The following GPC5 variants were observed in gnomAD, a reference collection of about 807,000 sequenced individuals.
GPC5 encodes glypican 5, also known as glypican-5.
In GPC5, 47 loss-of-function variants were observed where a neutral mutation model predicts 53.9. That is an observed-to-expected ratio of 0.87 (90% CI 0.69 to 1.11). GPC5 has a LOEUF of 1.11. GPC5 is among the 50% of genes most tolerant of loss of function. The pLI, the probability that GPC5 is intolerant of heterozygous loss-of-function variation, is 0.00. For synonymous variants in GPC5, 286 were observed against 263.3 expected (o/e 1.09, Z -0.84); for missense variants, 748 against 713.1 (o/e 1.05, Z -0.56).
chr13:91,562,835 A>G (rs888834132), intron 2 of GPC5, among the ~76,000 whole-genome samples: 3 of 152,118 alleles, frequency 2.0e-5, no homozygotes, highest in Non-Finnish European at 4.4e-5. Flanking sequence ...TTCTGTGAAT[A>G]GGACCAAGTA....
intron 7 of GPC5, among the ~76,000 whole-genome samples, chr13:92,778,119 A>G (rs1875885488): frequency 6.6e-6 from 1 of 152,352 alleles, no homozygotes; most frequent in Middle Eastern, 3.4e-3. Context: ...TTTTGCTGTC[A>G]TATTTTAAGA....
At chr13:91,438,557 G>A (rs1422538802) in intron 1 of GPC5, among the ~76,000 whole-genome samples, 1 of 152,196 alleles carries the variant, frequency 6.6e-6, no homozygotes, top group Non-Finnish European at 1.5e-5. Flanking sequence ...CTTGTGAGGT[G>A]TCAGTCTGCC....
chr13:92,432,683 GT>G (rs149512434), intron 7 of GPC5, among the ~76,000 whole-genome samples: 6 of 150,636 alleles, frequency 4.0e-5, no homozygotes, highest in South Asian at 2.1e-4. Context: ...CCATAAACTA[GT>G]TTTTTTTTAG....
chr13:92,566,260 A>G (rs1371695356), intron 7 of GPC5, among the ~76,000 whole-genome samples: 1 of 152,140 alleles, frequency 6.6e-6, no homozygotes, highest in Non-Finnish European at 1.5e-5. Flanking sequence ...GAAATTGTTG[A>G]ATAGCTATCA....
intron 7 of GPC5, among the ~76,000 whole-genome samples, chr13:92,350,721 A>G (rs999062399): frequency 3.3e-5 from 5 of 152,204 alleles, no homozygotes; most frequent in Admixed American, 2.6e-4. Flanking sequence ...GAGCATAAGT[A>G]TATTAATTAG....
intron 6 of GPC5, among the ~76,000 whole-genome samples, chr13:92,129,941 G>C (rs1039613500): frequency 3.9e-5 from 6 of 152,046 alleles, no homozygotes; most frequent in African/African-American, 1.4e-4. Context: ...TTGTAAAATT[G>C]ATAAAGAATA....
At chr13:92,600,474 T>C (rs1430773885) in intron 7 of GPC5, among the ~76,000 whole-genome samples, 3 of 151,742 alleles carry the variant, frequency 2.0e-5, no homozygotes, top group African/African-American at 7.3e-5. Flanking sequence ...TTTTTTTTTC[T>C]TTTCAATTCA....
intron 6 of GPC5, among the ~76,000 whole-genome samples, chr13:92,115,819 C>T (rs944261583): frequency 1.3e-5 from 2 of 152,078 alleles, no homozygotes; most frequent in Non-Finnish European, 2.9e-5. Flanking sequence ...CCACCCCCAC[C>T]GCAAAATTCC....
chr13:92,167,885 A>AG (rs1555316057), intron 7 of GPC5, among the ~76,000 whole-genome samples: 4 of 151,694 alleles, frequency 2.6e-5, no homozygotes, highest in African/African-American at 9.7e-5. Context: ...AAAAAAAAAA[A>AG]GATAGTTTTT....
At chr13:92,353,664 T>C (rs890589795) in intron 7 of GPC5, among the ~76,000 whole-genome samples, 4 of 152,140 alleles carry the variant, frequency 2.6e-5, no homozygotes, top group Non-Finnish European at 4.4e-5. Flanking sequence ...TATAAACAAA[T>C]AACCAGAATA....
chr13:92,124,124 G>T (rs1377206354), intron 6 of GPC5, among the ~76,000 whole-genome samples: 2 of 149,506 alleles, frequency 1.3e-5, no homozygotes, highest in Non-Finnish European at 3.0e-5. Context: ...TTAACTTTGT[G>T]CTTTTCTTTT....
At position 92,358,338 on chromosome 13, in the gene GPC5, C is replaced by G. The variant is rs574423910; in HGVS notation, c.1561+213349C>G. On this transcript the variant is annotated intron_variant, in intron 7 of 7. Transcript: ENST00000377067. ...CCCTGTGGCTCTGCAGGGAACAGACCCTGTGGCTGCTTTTTACAGGCTGGC... is the reference window on the plus strand; with the variant it reads ...CCCTGTGGCTCTGCAGGGAACAGACGCTGTGGCTGCTTTTTACAGGCTGGC... 1.8e-4 allele frequency among the ~76,000 whole-genome samples: 20 copies of G among 112,064 alleles called. No homozygotes were observed. The South Asian group carries it at 4.8e-3, about 27-fold the overall frequency. 73.5% of individuals were successfully genotyped at this position (112,064 alleles called of 152,430 possible). A position where few individuals can be genotyped will look rare whatever the true frequency, so the allele number is the denominator to read the frequency against.
intron 6 of GPC5, among the ~76,000 whole-genome samples, chr13:91,960,017 A>G (rs1305898808): frequency 6.6e-6 from 1 of 151,996 alleles, no homozygotes; most frequent in Non-Finnish European, 1.5e-5. Context: ...CCTTTCCTCT[A>G]AGAACTGGAC....
chr13:91,947,933 C>T (rs1320657003), intron 6 of GPC5, among the ~76,000 whole-genome samples: 6 of 152,006 alleles, frequency 3.9e-5, no homozygotes, highest in African/African-American at 1.2e-4. Context: ...GGGTGGATCA[C>T]GAGGTCGGGA....
chr13:91,898,356 A>G (rs1318640452), intron 5 of GPC5, among the ~76,000 whole-genome samples: 1 of 152,168 alleles, frequency 6.6e-6, no homozygotes, highest in African/African-American at 2.4e-5. Context: ...ACATATTTGC[A>G]TTCTGGTTTT....
At chr13:92,462,471 C>T (rs1878527568) in intron 7 of GPC5, among the ~76,000 whole-genome samples, 1 of 152,134 alleles carries the variant, frequency 6.6e-6, no homozygotes, top group African/African-American at 2.4e-5. Context: ...TGGAGATTTA[C>T]TCAGATGTGG....
chr13:91,833,267 A>T (rs977939589), intron 5 of GPC5, among the ~76,000 whole-genome samples: 6 of 152,162 alleles, frequency 3.9e-5, no homozygotes, highest in African/African-American at 7.2e-5. Flanking sequence ...CTACCAACCA[A>T]AAAAACCTCA....
chr13:91,674,541 G>A (rs2035330864), intron 2 of GPC5, among the ~76,000 whole-genome samples: 3 of 113,398 alleles, frequency 2.6e-5, no homozygotes, highest in African/African-American at 4.0e-5. Context: ...GTATATATAC[G>A]CATATATATG....
At chr13:91,523,248 T>G (rs1292952725) in intron 2 of GPC5, among the ~76,000 whole-genome samples, 1 of 152,196 alleles carries the variant, frequency 6.6e-6, no homozygotes, top group African/African-American at 2.4e-5. Flanking sequence ...TGGGCATATA[T>G]CCAAAGGAGA....
Sources: gnomAD v4.1 joint callset for allele counts (sites outside exome capture counted in the v4.1 genomes callset) on GRCh38, gnomAD v4.1.1 for gene constraint, MANE v1.5 for transcripts, NCBI Gene and HGNC (gene_info 2026-07-23, HGNC 2026-07-21) for gene names.